NDST1: variants seen among roughly 807,000 people sequenced by gnomAD.
The protein encoded by NDST1 is N-deacetylase and N-sulfotransferase 1, also known as bifunctional heparan sulfate N-deacetylase/N-sulfotransferase 1.
In NDST1, 35 loss-of-function variants were observed where a neutral mutation model predicts 92.8. That is an observed-to-expected ratio of 0.38 (90% CI 0.29 to 0.50). The LOEUF (loss-of-function observed/expected upper bound fraction) is 0.50. Ranked by LOEUF, NDST1 falls within the 20% of genes least tolerant of loss-of-function variation. The pLI is 0.94. For missense variants in NDST1, 822 were observed against 1,182.7 expected, an observed-to-expected ratio of 0.69 and a Z score of 4.47; for synonymous variants, 493 against 500.3, an observed-to-expected ratio of 0.99 and a Z score of 0.19.
upstream of NDST1, among the ~76,000 whole-genome samples, chr5:150,507,266 C>CTT (rs377397910): frequency 1.4e-5 from 2 of 146,908 alleles, no homozygotes; most frequent in African/African-American, 2.5e-5. Flanking sequence ...ATAAACATAC[C>CTT]TTTTTTTTTT....
chr5:150,539,158 TG>T (rs1416646445), intron 6 of NDST1, 69 bp from the exon 7 acceptor site: 1 of 1,304,522 alleles, frequency 7.7e-7, no homozygotes. Flanking sequence ...CTTCTTCCTC[TG>T]AGGAAGAGTC....
Position 150,556,722 on chromosome 5 carries a change from C to T in NDST1, c.*3390C>T, listed in dbSNP as rs1226859599. 6.6e-6 allele frequency: 1 copy of T among 152,338 alleles called. No homozygotes were observed. The highest frequency in any genetic ancestry group is 1.5e-5 in the Non-Finnish European group (1 of 68,050). 9.4% of individuals were successfully genotyped at this position (152,338 alleles called of 1,614,324 possible). A position where few individuals can be genotyped will look rare whatever the true frequency, so the allele number is the denominator to read the frequency against. On this transcript the variant is annotated 3_prime_UTR_variant, in exon 15 of 15. Coordinates refer to ENST00000261797, the MANE Select transcript of NDST1 (RefSeq NM_001543.5). Reference sequence around the variant, plus strand: ...TAGGGCATTGTCCTACACATTGGCCCAGTATCACAGCCAAGACGAGAAGTC... The same window carrying T: ...TAGGGCATTGTCCTACACATTGGCCTAGTATCACAGCCAAGACGAGAAGTC...
chr5:150,553,561 C>T lies in NDST1; in HGVS notation c.*229C>T. 1.8e-6 allele frequency: 1 copy of T among 547,886 alleles called. No individual in the cohort carries two copies. Among genetic ancestry groups the T allele is most frequent in the East Asian group, 3.7e-5 (1 of 27,060 alleles). The allele number at this position is 547,886 out of a possible 1,614,324, so 33.9% of individuals were successfully genotyped here. On this transcript the variant is annotated 3_prime_UTR_variant, in exon 15 of 15. Coordinates refer to ENST00000261797, the MANE Select transcript of NDST1 (RefSeq NM_001543.5). This position sits in a 1 kb window ranked among gnomAD's most constrained non-coding sequence, Gnocchi z 4.2. ...GGGACCTCCCTCGCCAGCAGAGGTCCATTCCGTTCCCAGCTGCTCCTGGGG... is the reference window on the plus strand; with the variant it reads ...GGGACCTCCCTCGCCAGCAGAGGTCTATTCCGTTCCCAGCTGCTCCTGGGG...
chr5:150,515,604 A>C (rs1300430031), intron 1 of NDST1, among the ~76,000 whole-genome samples: 1 of 152,132 alleles, frequency 6.6e-6, no homozygotes, highest in East Asian at 1.9e-4. Context: ...ATTCCAGGCA[A>C]TGGGAATTTC....
At chr5:150,511,063 C>A (rs1179919203) in intron 1 of NDST1, among the ~76,000 whole-genome samples, 1 of 152,204 alleles carries the variant, frequency 6.6e-6, no homozygotes, top group African/African-American at 2.4e-5. Context: ...GCTCTGTGGG[C>A]TGCAGCAAGT....
chr5:150,526,463 A>G (rs1754482976), intron 2 of NDST1, among the ~76,000 whole-genome samples: 2 of 152,312 alleles, frequency 1.3e-5, no homozygotes, highest in Middle Eastern at 6.8e-3. Flanking sequence ...CAGGTACTAG[A>G]GAGCTGGCTG....
intron 5 of NDST1, 200 bp from the exon 6 acceptor site, chr5:150,535,500 C>G (rs1474423921): frequency 6.8e-6 from 5 of 736,766 alleles, no homozygotes; most frequent in Non-Finnish European, 8.3e-6. Context: ...CTAATCCCAG[C>G]TCTGCCAGTT....
Position 150,539,223 on chromosome 5 carries a change from C to T in NDST1, c.1438-5C>T. ...CATAGCTCCTCTCCCCCACCCCCTC[C>T]TCAGGTTCTCCCACGGCAGACCTGC... is the stretch of plus-strand genomic sequence containing the variant. On this transcript the variant is annotated splice_polypyrimidine_tract_variant and splice_region_variant and intron_variant, in intron 6 of 14. Coordinates refer to ENST00000261797, the MANE Select transcript of NDST1 (RefSeq NM_001543.5). The T allele has an allele frequency of 1.2e-6, 2 of 1,613,508 alleles. No homozygotes were observed. Among genetic ancestry groups the T allele is most frequent in the East Asian group, 2.2e-5 (1 of 44,880 alleles).
At chr5:150,517,496 A>G (rs1302069076) in intron 1 of NDST1, among the ~76,000 whole-genome samples, 1 of 152,092 alleles carries the variant, frequency 6.6e-6, no homozygotes, top group Non-Finnish European at 1.5e-5. Flanking sequence ...CTTATCACCC[A>G]GAGTCCATAG....
chr5:150,521,614 T>G lies in NDST1; in HGVS notation c.360T>G (p.Gly120=). Residue 120 remains glycine (G), a synonymous_variant, in exon 2 of 15, where the codon GGT becomes GGG. Transcript: ENST00000261797. This position sits in a 1 kb window ranked among gnomAD's most constrained non-coding sequence, Gnocchi z 5.9. ...KYRTEIAPGK[G]DMPTLTDKGR... is the part of the protein sequence containing the mutation. ...GCACAGAGATTGCGCCGGGCAAGGG[T>G]GACATGCCCACGCTCACTGACAAGG... 1 of 1,613,858 alleles carries G rather than the reference T, an allele frequency of 6.2e-7. No homozygotes were observed. Among genetic ancestry groups the G allele is most frequent in the Non-Finnish European group, 8.5e-7 (1 of 1,179,980 alleles).
intron 1 of NDST1, among the ~76,000 whole-genome samples, chr5:150,516,976 A>T (rs1035883379): frequency 4.9e-5 from 7 of 143,762 alleles, no homozygotes; most frequent in South Asian, 2.3e-4. Context: ...GACATTTTCT[A>T]GTGTGTGTGT....
At chr5:150,503,410 C>T (rs1328073073), upstream of NDST1, among the ~76,000 whole-genome samples, 2 of 152,180 alleles carry the variant, frequency 1.3e-5, no homozygotes, top group African/African-American at 4.8e-5. Context: ...TGTGCCATTG[C>T]ACTCCAGCCT....
chr5:150,509,185 G>C (rs1753603056), intron 1 of NDST1, among the ~76,000 whole-genome samples: 1 of 152,196 alleles, frequency 6.6e-6, no homozygotes, highest in Non-Finnish European at 1.5e-5. Flanking sequence ...CTGTGCCTTG[G>C]AATCTCTCAG....
At chr5:150,517,864 A>G (rs989739367) in intron 1 of NDST1, among the ~76,000 whole-genome samples, 4 of 152,166 alleles carry the variant, frequency 2.6e-5, no homozygotes, top group Non-Finnish European at 4.4e-5. Flanking sequence ...CTCCGCTTCC[A>G]TGGGATTGGG....
chr5:150,534,800 G>A, intron 4 of NDST1, 67 bp from the exon 5 acceptor site: 1 of 1,604,138 alleles, frequency 6.2e-7, no homozygotes, highest in Non-Finnish European at 8.5e-7. Flanking sequence ...CCCATCCCCA[G>A]GCACAGGCCC....
intron 1 of NDST1, among the ~76,000 whole-genome samples, chr5:150,516,052 C>T (rs1316243580): frequency 1.4e-5 from 2 of 142,880 alleles, no homozygotes; most frequent in African/African-American, 2.6e-5. Flanking sequence ...ATGGCCTTAT[C>T]TTCAGCTTCT....
At chr5:150,541,912 T>G (rs1755265191) in intron 9 of NDST1, among the ~76,000 whole-genome samples, 2 of 152,170 alleles carry the variant, frequency 1.3e-5, no homozygotes, top group African/African-American at 4.8e-5. Context: ...TGCATTATCC[T>G]GGGAGTCTCC....
At chr5:150,522,456 TGGTGGGC>T (rs962214825) in intron 2 of NDST1, among the ~76,000 whole-genome samples, 27 of 148,448 alleles carry the variant, frequency 1.8e-4, no homozygotes, top group African/African-American at 6.7e-4. Flanking sequence ...AGGTTGGGAA[TGGTGGGC>T]GGGGGATCCA....
chr5:150,546,610 G>A (rs1243253727), intron 11 of NDST1, among the ~76,000 whole-genome samples: 1 of 152,244 alleles, frequency 6.6e-6, no homozygotes, highest in African/African-American at 2.4e-5. Flanking sequence ...AGTGTCCCCT[G>A]TCCTGGCTGG....
Sources: allele counts gnomAD v4.1 joint callset (sites outside exome capture counted in the v4.1 genomes callset), GRCh38; gene constraint gnomAD v4.1.1; non-coding constraint Gnocchi (gnomAD v3.1); transcripts MANE v1.5; gene names NCBI Gene and HGNC (gene_info 2026-07-23, HGNC 2026-07-21).